PFKFB3: variants seen among roughly 807,000 people sequenced by gnomAD.
The protein encoded by PFKFB3 is 6-phosphofructo-2-kinase/fructose-2,6-bisphosphatase 3.
In PFKFB3, 33 loss-of-function variants were observed where a neutral mutation model predicts 68.0. The ratio of observed to expected loss-of-function variants is 0.49; its 90% CI spans 0.37 to 0.65. The LOEUF (loss-of-function observed/expected upper bound fraction) is 0.65, where lower values mean the gene tolerates loss of function less well. Among genes scored for constraint, PFKFB3 ranks in the 30% least tolerant of loss-of-function variants. The pLI is 0.00. For missense variants in PFKFB3, 586 were observed against 712.2 expected (o/e 0.82, Z 2.02); for synonymous variants, 315 against 288.2 (o/e 1.09, Z -0.94).
In PFKFB3 at chr10:6,219,731, T is replaced by C. The variant is rs372789221; in HGVS notation, c.623+38T>C. 7.5e-6 allele frequency: 12 copies of C among 1,603,810 alleles called. No individual in the cohort carries two copies. In the Admixed American group the frequency reaches 1.2e-4, roughly 16 times the overall value. On this transcript the variant is annotated intron_variant, in intron 7 of 14. Coordinates refer to ENST00000379775, the MANE Select transcript of PFKFB3 (RefSeq NM_004566.4). The stretch of plus-strand genomic sequence containing the variant: ...GCTGGCCGTCTCTGCAAGACCCACA[T>C]GAGGGTTCTTACTGAATTCTTGATG...
At chr10:6,245,241 C>T (rs1211334646) in intron 14 of PFKFB3, among the ~76,000 whole-genome samples, 2 of 151,682 alleles carry the variant, frequency 1.3e-5, no homozygotes, top group East Asian at 3.9e-4. Flanking sequence ...GGATTACAGG[C>T]ATACGCCACC....
chr10:6,174,021 G>A (rs1274236220), intron 1 of PFKFB3, among the ~76,000 whole-genome samples: 1 of 152,116 alleles, frequency 6.6e-6, no homozygotes, highest in Non-Finnish European at 1.5e-5. Flanking sequence ...TAGATGATGT[G>A]TGCGGGAGTT....
intron 1 of PFKFB3, among the ~76,000 whole-genome samples, chr10:6,187,846 TA>T (rs1426652072): frequency 2.0e-5 from 3 of 152,184 alleles, no homozygotes; most frequent in Non-Finnish European, 4.4e-5. Context: ...ATTCCAGACT[TA>T]ATAGAAAAGT....
chr10:6,298,551 A>C, the PFKFB3 span, among the ~76,000 whole-genome samples: 1 of 152,032 alleles, frequency 6.6e-6, no homozygotes, highest in Non-Finnish European at 1.5e-5. Flanking sequence ...TATTTTTCAG[A>C]GATGGGGTCT....
In PFKFB3 at chr10:6,243,580, C is replaced by T. The variant is rs1463252536; in HGVS notation, c.1516-10598C>T. On this transcript the variant is annotated intron_variant, in intron 14 of 14. Transcript: ENST00000640683. ...GCAACGCTCCCCATAGAGGCTGAGACGTTTTCCTTCTGGGGCCTGTTCTCT... is the reference window on the plus strand; with the variant it reads ...GCAACGCTCCCCATAGAGGCTGAGATGTTTTCCTTCTGGGGCCTGTTCTCT... 3.3e-5 allele frequency among the ~76,000 whole-genome samples: 5 copies of T among 152,152 alleles called. No individual in the cohort carries two copies. In the East Asian group the frequency reaches 5.8e-4, roughly 18 times the overall value.
chr10:6,162,873 G>C (rs1275314273), intron 1 of PFKFB3, among the ~76,000 whole-genome samples: 1 of 152,200 alleles, frequency 6.6e-6, no homozygotes, highest in African/African-American at 2.4e-5. Context: ...ATGGTCCTTA[G>C]AAGGCTGGAT....
chr10:6,240,314 G>C (rs1289203933), downstream of PFKFB3, among the ~76,000 whole-genome samples: 1 of 152,118 alleles, frequency 6.6e-6, no homozygotes, highest in Non-Finnish European at 1.5e-5. Flanking sequence ...CCCCAGGCTG[G>C]ACTGCGGTGG....
the PFKFB3 span, among the ~76,000 whole-genome samples, chr10:6,263,500 T>C: frequency 6.6e-6 from 1 of 152,292 alleles, no homozygotes; most frequent in Non-Finnish European, 1.5e-5. Flanking sequence ...GCCCAGGTGA[T>C]GGTAACAGTG....
At chr10:6,292,371 G>A in the PFKFB3 span, among the ~76,000 whole-genome samples, 8 of 128,266 alleles carry the variant, frequency 6.2e-5, no homozygotes, top group South Asian at 2.6e-4. Flanking sequence ...TGCAAGCTCC[G>A]CCTCCTGGGT....
chr10:6,207,194 G>A (rs1290187118), intron 1 of PFKFB3, among the ~76,000 whole-genome samples: 6 of 152,170 alleles, frequency 3.9e-5, no homozygotes, highest in African/African-American at 7.2e-5. Flanking sequence ...CCGGCACCTC[G>A]GGAGGCCGAG....
At chr10:6,266,318 ATCT>A in the PFKFB3 span, among the ~76,000 whole-genome samples, 2 of 152,176 alleles carry the variant, frequency 1.3e-5, no homozygotes, top group African/African-American at 2.4e-5. Context: ...TCATAGGAGC[ATCT>A]TCAGGCTGGC....
At chr10:6,311,574 C>A in the PFKFB3 span, among the ~76,000 whole-genome samples, 1 of 151,884 alleles carries the variant, frequency 6.6e-6, no homozygotes, top group Non-Finnish European at 1.5e-5. Flanking sequence ...CATGGTGAAA[C>A]CCCGTCTATA....
At chr10:6,157,462 G>C (rs978807785) in intron 1 of PFKFB3, among the ~76,000 whole-genome samples, 10 of 151,148 alleles carry the variant, frequency 6.6e-5, no homozygotes, top group Admixed American at 1.3e-4. Context: ...TCCTGACCTC[G>C]TGATCCGCCC....
At chr10:6,193,641 C>T (rs1466170045) in intron 1 of PFKFB3, among the ~76,000 whole-genome samples, 4 of 152,108 alleles carry the variant, frequency 2.6e-5, no homozygotes, top group African/African-American at 7.2e-5. Flanking sequence ...TGGGTGCAGG[C>T]GGGCTGAGTC....
Position 6,220,956 on chromosome 10 carries a change from G to GCTA in PFKFB3, c.831+93_831+94insACT, listed in dbSNP as rs946874194. 1.9e-5 allele frequency: 23 copies of GCTA among 1,198,790 alleles called. No homozygotes were observed. Among genetic ancestry groups the GCTA allele is most frequent in the Non-Finnish European group, 2.6e-5 (21 of 818,678 alleles). 74.3% of individuals were successfully genotyped at this position (1,198,790 alleles called of 1,614,324 possible). ...TGGGGAGCTGTGTGCTGCTGCTGCT[G>GCTA]CTGCTGCTGCTGCTTGGTGTGCTTG... is the stretch of plus-strand genomic sequence containing the variant. On this transcript the variant is annotated intron_variant, in intron 8 of 14. Transcript: ENST00000379775. This position sits in a 1 kb window ranked among gnomAD's most constrained non-coding sequence, Gnocchi z 4.1.
At chr10:6,172,339 G>A (rs1842340185) in intron 1 of PFKFB3, among the ~76,000 whole-genome samples, 1 of 152,214 alleles carries the variant, frequency 6.6e-6, no homozygotes, top group Non-Finnish European at 1.5e-5. Context: ...AGTCCAAGCT[G>A]GGTGCAGTTC....
chr10:6,276,461 A>G, the PFKFB3 span, among the ~76,000 whole-genome samples: 3 of 152,068 alleles, frequency 2.0e-5, no homozygotes, highest in African/African-American at 2.4e-5. Flanking sequence ...ATGGGAGACT[A>G]TCATTTAGCT....
At chr10:6,295,482 T>A in the PFKFB3 span, among the ~76,000 whole-genome samples, 1 of 151,874 alleles carries the variant, frequency 6.6e-6, no homozygotes, top group African/African-American at 2.4e-5. Flanking sequence ...CACCTTGACC[T>A]CCCAAAGTGC....
chr10:6,273,758 C>T, the PFKFB3 span, among the ~76,000 whole-genome samples: 1 of 152,110 alleles, frequency 6.6e-6, no homozygotes, highest in Non-Finnish European at 1.5e-5. Flanking sequence ...GAGACAGGCA[C>T]ATGCAGAGAG....
Sources: gnomAD v4.1 joint callset for allele counts (sites outside exome capture counted in the v4.1 genomes callset) on GRCh38, gnomAD v4.1.1 for gene constraint, Gnocchi (gnomAD v3.1) non-coding constraint, MANE v1.5 for transcripts, NCBI Gene and HGNC (gene_info 2026-07-23, HGNC 2026-07-21) for gene names.